The following CNTN5 variants were observed in gnomAD, a reference collection of about 807,000 sequenced individuals.
CNTN5 encodes contactin-5.
CNTN5 carries 77 observed loss-of-function variants against 129.1 expected under a neutral mutation model. The ratio of observed to expected loss-of-function variants is 0.60; its 90% CI spans 0.50 to 0.72. CNTN5 has a LOEUF of 0.72. Ranked by LOEUF, CNTN5 falls within the 30% of genes least tolerant of loss-of-function variation. The pLI is 0.00. For synonymous variants in CNTN5, 509 were observed against 465.6 expected (o/e 1.09, Z -1.20); for missense variants, 1,478 against 1,328.8 (o/e 1.11, Z -1.75).
intron 6 of CNTN5, among the ~76,000 whole-genome samples, chr11:99,881,753 T>C (rs960380041): frequency 7.2e-5 from 11 of 152,192 alleles, no homozygotes; most frequent in African/African-American, 2.4e-4. Context: ...GGGTTTTCGG[T>C]CATTACTATG....
chr11:99,088,267 A>G (rs985558521), intron 1 of CNTN5, among the ~76,000 whole-genome samples: 9 of 152,160 alleles, frequency 5.9e-5, no homozygotes, highest in African/African-American at 2.2e-4. Flanking sequence ...GTGCCCTGAT[A>G]GTGCTGATAA....
At chr11:99,046,700 C>A (rs958809437) in intron 1 of CNTN5, among the ~76,000 whole-genome samples, 2 of 151,930 alleles carry the variant, frequency 1.3e-5, no homozygotes, top group Non-Finnish European at 2.9e-5. Flanking sequence ...CTTACACAGG[C>A]AGGATATGTA....
At chr11:99,225,901 A>G (rs1039080207) in intron 1 of CNTN5, among the ~76,000 whole-genome samples, 2 of 152,202 alleles carry the variant, frequency 1.3e-5, no homozygotes, top group African/African-American at 4.8e-5. Flanking sequence ...ACAGTTAAAC[A>G]TGTAATGTCA....
At chr11:99,528,246 C>A (rs925312650) in intron 2 of CNTN5, among the ~76,000 whole-genome samples, 4 of 152,094 alleles carry the variant, frequency 2.6e-5, no homozygotes, top group Non-Finnish European at 4.4e-5. Flanking sequence ...AAAAGCACAA[C>A]AATACTTCCT....
chr11:99,925,286 A>T (rs1436829713), intron 7 of CNTN5, among the ~76,000 whole-genome samples: 1 of 152,218 alleles, frequency 6.6e-6, no homozygotes. Context: ...AAGTGCATAA[A>T]GTGAGTATTT....
At chr11:99,572,171 G>A (rs1395578139) in intron 3 of CNTN5, among the ~76,000 whole-genome samples, 2 of 152,180 alleles carry the variant, frequency 1.3e-5, no homozygotes, top group Admixed American at 1.3e-4. Context: ...AAATAGGAAT[G>A]TTCAATCCTT....
At chr11:99,632,506 G>T (rs749066926) in intron 3 of CNTN5, among the ~76,000 whole-genome samples, 1 of 152,054 alleles carries the variant, frequency 6.6e-6, no homozygotes, top group Non-Finnish European at 1.5e-5. Context: ...TGTCTTACTA[G>T]GGAGTCCTCT....
chr11:100,093,832 C>T (rs1472273958), intron 13 of CNTN5, among the ~76,000 whole-genome samples: 1 of 152,000 alleles, frequency 6.6e-6, no homozygotes, highest in Non-Finnish European at 1.5e-5. Context: ...TAGGTGGATC[C>T]CCATGATCTA....
chr11:99,322,769 A>G (rs546128505), intron 1 of CNTN5, among the ~76,000 whole-genome samples: 17 of 152,302 alleles, frequency 1.1e-4, no homozygotes, highest in African/African-American at 4.1e-4. Context: ...GATACTGATG[A>G]TGATTTGAAA....
chr11:99,224,668 T>TTTG (rs1159418522), intron 1 of CNTN5, among the ~76,000 whole-genome samples: 1 of 146,884 alleles, frequency 6.8e-6, no homozygotes, highest in East Asian at 2.0e-4. Context: ...TTTTTTTTTT[T>TTTG]TTTTTTTTTG....
intron 3 of CNTN5, among the ~76,000 whole-genome samples, chr11:99,692,663 A>C (rs895403825): frequency 6.6e-6 from 1 of 151,916 alleles, no homozygotes; most frequent in Non-Finnish European, 1.5e-5. Flanking sequence ...GGCATCCCTC[A>C]ATATTTTTTC....
At chr11:99,059,639 C>G (rs1864792110) in intron 1 of CNTN5, among the ~76,000 whole-genome samples, 1 of 151,984 alleles carries the variant, frequency 6.6e-6, no homozygotes, top group Non-Finnish European at 1.5e-5. Context: ...TATTAACATT[C>G]CTGTAATATC....
chr11:99,430,737 G>C (rs745427389), intron 2 of CNTN5, among the ~76,000 whole-genome samples: 1 of 151,838 alleles, frequency 6.6e-6, no homozygotes, highest in South Asian at 2.1e-4. Flanking sequence ...AAAAGGTTGG[G>C]GGGGCGGGGA....
chr11:99,776,176 T>C (rs1349386404), intron 3 of CNTN5, among the ~76,000 whole-genome samples: 1 of 82,396 alleles, frequency 1.2e-5, no homozygotes, highest in African/African-American at 4.1e-5. Flanking sequence ...ACCGTGACTT[T>C]ATGGGGTTAA....
intron 1 of CNTN5, among the ~76,000 whole-genome samples, chr11:99,258,881 T>G (rs1862501591): frequency 6.6e-6 from 1 of 151,882 alleles, no homozygotes; most frequent in African/African-American, 2.4e-5. Context: ...AAACATTCTG[T>G]CAAGCGTATT....
chr11:99,345,462 C>G (rs1017989166), intron 2 of CNTN5, among the ~76,000 whole-genome samples: 3 of 152,170 alleles, frequency 2.0e-5, no homozygotes, highest in Non-Finnish European at 4.4e-5. Flanking sequence ...AACTTATGCC[C>G]TCATCCCTGT....
In CNTN5 at chr11:99,316,057, G is replaced by A. The variant is rs187285479; in HGVS notation, c.-209-9289G>A. ...TTCTTTAATTTGGATGATAAAGGTGGCATACTTTTTGTTTCTAGAGGAACC... is the reference window on the plus strand; with the variant it reads ...TTCTTTAATTTGGATGATAAAGGTGACATACTTTTTGTTTCTAGAGGAACC... On this transcript the variant is annotated intron_variant, in intron 1 of 24. Transcript: ENST00000524871. 6.4e-4 allele frequency among the ~76,000 whole-genome samples: 97 copies of A among 151,860 alleles called. 1 individual carries two copies. The highest frequency in any genetic ancestry group is 1.0e-3 in the Non-Finnish European group (70 of 67,824).
intron 3 of CNTN5, among the ~76,000 whole-genome samples, chr11:99,622,105 A>C (rs769420026): frequency 1.1e-4 from 17 of 152,176 alleles, no homozygotes; most frequent in Non-Finnish European, 2.2e-4. Flanking sequence ...CACATCTTCT[A>C]TCTGTTGCCT....
intron 12 of CNTN5, 70 bp from the exon 13 acceptor site, chr11:100,074,074 C>G: frequency 7.2e-7 from 1 of 1,393,416 alleles, no homozygotes; most frequent in Non-Finnish European, 9.8e-7. Context: ...GTTACAAGAT[C>G]TTCATGAATC....
Sources: allele counts gnomAD v4.1 joint callset (sites outside exome capture counted in the v4.1 genomes callset), GRCh38; gene constraint gnomAD v4.1.1; transcripts MANE v1.5; gene names NCBI Gene and HGNC (gene_info 2026-07-23, HGNC 2026-07-21).